PAPPA2: variants seen among roughly 807,000 people sequenced by gnomAD.
PAPPA2 encodes pappalysin 2.
In PAPPA2, 86 loss-of-function variants were observed where a neutral mutation model predicts 176.4. The observed-to-expected ratio is 0.49, with a 90% CI of 0.41 to 0.58. The LOEUF (loss-of-function observed/expected upper bound fraction) is 0.58. PAPPA2 is among the 20% of genes least tolerant of loss of function. PAPPA2 has a pLI of 0.00. For missense variants in PAPPA2, 2,073 were observed against 2,256.9 expected, an observed-to-expected ratio of 0.92 and a Z score of 1.65; for synonymous variants, 809 against 852.2, an observed-to-expected ratio of 0.95 and a Z score of 0.88.
rs547531486 is a variant in PAPPA2 at position 176,556,276 on chromosome 1, G to T, written c.-47G>T. 15 of 1,567,146 alleles carry T rather than the reference G, an allele frequency of 9.6e-6. No homozygotes were observed. In the South Asian group the frequency reaches 1.8e-4, roughly 19 times the overall value. On this transcript the variant is annotated 5_prime_UTR_variant, in exon 2 of 23. Transcript: ENST00000367662. ...CTCGTCTGCCCATCACTCTGGTGTG[G>T]TACCCAGAAGTTGACTTCTGGTTCT...
intron 10 of PAPPA2, among the ~76,000 whole-genome samples, chr1:176,707,981 T>C (rs1660953460): frequency 6.6e-6 from 1 of 152,162 alleles, no homozygotes; most frequent in Non-Finnish European, 1.5e-5. Flanking sequence ...CCAGATGTGG[T>C]CTGGCTATGC....
chr1:176,696,064 G>T (rs375797876), intron 7 of PAPPA2, among the ~76,000 whole-genome samples: 3 of 151,740 alleles, frequency 2.0e-5, no homozygotes, highest in Non-Finnish European at 4.4e-5. Flanking sequence ...TGTTCCATAT[G>T]TGCCTAACAT....
intron 4 of PAPPA2, among the ~76,000 whole-genome samples, chr1:176,672,491 T>C (rs139464971): frequency 0.013 from 2,012 of 152,028 alleles, 26 homozygotes; most frequent in Non-Finnish European, 0.021. Context: ...TTGACAATCA[T>C]AGACAATATG....
chr1:176,528,482 A>C (rs1649614292), intron 1 of PAPPA2, among the ~76,000 whole-genome samples: 1 of 152,232 alleles, frequency 6.6e-6, no homozygotes, highest in South Asian at 2.1e-4. Context: ...TAAATAATAG[A>C]ACTACCATTT....
chr1:176,617,103 A>G lies in PAPPA2; in HGVS notation c.1991+21508A>G, dbSNP rs185085075. Among the ~76,000 whole-genome samples the G allele has an allele frequency of 3.2e-4, 48 of 152,300 alleles. 1 individual carries two copies. The Middle Eastern group carries it at 0.01, about 32-fold the overall frequency. The stretch of plus-strand genomic sequence containing the variant: ...TTGTGTCCAGGATAACCACTCTTAT[A>G]GGGGCTTTTTGGTGGAGTAGTAATC... On this transcript the variant is annotated intron_variant, in intron 3 of 22. Coordinates refer to ENST00000367662, the MANE Select transcript of PAPPA2 (RefSeq NM_020318.3).
At chr1:176,615,333 C>T (rs879713339) in intron 3 of PAPPA2, among the ~76,000 whole-genome samples, 5 of 152,128 alleles carry the variant, frequency 3.3e-5, no homozygotes, top group Non-Finnish European at 5.9e-5. Context: ...GTTTTTGAGA[C>T]GGAGTCTTGC....
chr1:176,648,540 C>T (rs1301580905), intron 3 of PAPPA2, among the ~76,000 whole-genome samples: 1 of 151,490 alleles, frequency 6.6e-6, no homozygotes, highest in African/African-American at 2.4e-5. Context: ...TTTCAATTTT[C>T]CCCCATTCAG....
Position 176,652,433 on chromosome 1 carries a change from A to G in PAPPA2, c.1992-18537A>G, listed in dbSNP as rs149854555. Among the ~76,000 whole-genome samples, 155 of 151,804 alleles carry G rather than the reference A, an allele frequency of 1.0e-3. 1 individual carries two copies. The highest frequency in any genetic ancestry group is 1.9e-3 in the Non-Finnish European group (127 of 67,774). On this transcript the variant is annotated intron_variant, in intron 3 of 22. Transcript: ENST00000367662. ...AGTCCAGATTTACCTTGGTTCTAGT[A>G]AACAATCAGAGTGTGCCCTGTACCA...
chr1:176,472,817 T>C (rs1651943660), intron 1 of PAPPA2, among the ~76,000 whole-genome samples: 1 of 152,182 alleles, frequency 6.6e-6, no homozygotes, highest in Admixed American at 6.6e-5. Context: ...ATTTTCTGTC[T>C]GCATTTGTCT....
At chr1:176,752,342 T>TAAAAAAAAA (rs58591760) in intron 14 of PAPPA2, among the ~76,000 whole-genome samples, 5 of 96,488 alleles carry the variant, frequency 5.2e-5, no homozygotes, top group African/African-American at 7.2e-5. Flanking sequence ...TAGAGTATAA[T>TAAAAAAAAA]AAAAAAAAAA....
In PAPPA2 at chr1:176,595,389, T is replaced by C. The variant is rs1476096719; in HGVS notation, c.1785T>C (p.His595=). 3 of 1,614,154 alleles carry C rather than the reference T, an allele frequency of 1.9e-6. No individual in the cohort carries two copies. The highest frequency in any genetic ancestry group is 2.2e-5 in the East Asian group (1 of 44,860). The part of the protein sequence containing the change: ...NCEPSKIGND[H]CDPECEHPLT... ...AGCCCAGCAAGATTGGCAATGACCA[T>C]TGTGACCCCGAGTGTGAGCACCCAC... The change falls in exon 3 of 23, where the codon CAT becomes CAC. Residue 595 remains histidine (H), a synonymous_variant. Coordinates refer to ENST00000367662, the MANE Select transcript of PAPPA2 (RefSeq NM_020318.3).
At chr1:176,820,554 A>T (rs1005107642) in intron 21 of PAPPA2, among the ~76,000 whole-genome samples, 1 of 152,112 alleles carries the variant, frequency 6.6e-6, no homozygotes, top group Non-Finnish European at 1.5e-5. Flanking sequence ...TACACTGGGG[A>T]TCCTCATCGA....
intron 3 of PAPPA2, among the ~76,000 whole-genome samples, chr1:176,600,093 A>G (rs1654224371): frequency 1.3e-5 from 2 of 152,158 alleles, no homozygotes; most frequent in Non-Finnish European, 2.9e-5. Flanking sequence ...TGTGTCAGGC[A>G]TGGTAAGGTA....
Position 176,556,355 on chromosome 1 carries a change from G to A in PAPPA2, c.33G>A (p.Leu11=). ...GCTTAAAGATCCTAAGAATAAGCCT[G>A]GCGATTTTGGCTGGGTGGGCACTCT... MMCLKILRIS[L]AILAGWALCS... is the part of the protein sequence containing the mutation. The change falls in exon 2 of 23, where the codon CTG becomes CTA. Residue 11 remains leucine (L), a synonymous_variant. Coordinates refer to ENST00000367662, the MANE Select transcript of PAPPA2 (RefSeq NM_020318.3). The A allele has an allele frequency of 6.2e-7, 1 of 1,614,122 alleles. No homozygotes were observed.
chr1:176,563,115 G>A (rs576473227), intron 2 of PAPPA2, among the ~76,000 whole-genome samples: 8 of 152,184 alleles, frequency 5.3e-5, no homozygotes, highest in Non-Finnish European at 1.2e-4. Flanking sequence ...CAGTATTAGG[G>A]ACTCTCAGTT....
At chr1:176,680,314 A>AT (rs201930922) in intron 4 of PAPPA2, among the ~76,000 whole-genome samples, 17 of 150,798 alleles carry the variant, frequency 1.1e-4, no homozygotes, top group East Asian at 1.9e-4. Context: ...GCGAGTGTTC[A>AT]TTTTTTTTTG....
chr1:176,793,751 A>C, intron 20 of PAPPA2, 82 bp downstream of exon 20: 2 of 1,093,284 alleles, frequency 1.8e-6, no homozygotes, highest in East Asian at 5.3e-5. Context: ...GAGTAATTTC[A>C]GAGGCTTTCA....
At chr1:176,817,737 AAAAG>A (rs570446536) in intron 21 of PAPPA2, among the ~76,000 whole-genome samples, 19 of 152,178 alleles carry the variant, frequency 1.2e-4, no homozygotes, top group Non-Finnish European at 2.4e-4. Flanking sequence ...TAAAAAAAAA[AAAAG>A]AAAGAAAGAA....
chr1:176,570,520 C>G (rs192406237), intron 2 of PAPPA2, among the ~76,000 whole-genome samples: 1 of 152,124 alleles, frequency 6.6e-6, no homozygotes, highest in East Asian at 1.9e-4. Context: ...TGTTTCAAGG[C>G]ACATTAATAA....
Sources: allele counts gnomAD v4.1 joint callset (sites outside exome capture counted in the v4.1 genomes callset), GRCh38; gene constraint gnomAD v4.1.1; transcripts MANE v1.5; gene names NCBI Gene and HGNC (gene_info 2026-07-23, HGNC 2026-07-21).